MAP3K5: variants seen among roughly 807,000 people sequenced by gnomAD.
MAP3K5 encodes ASK-1.
A neutral mutation model predicts 158.7 loss-of-function variants in MAP3K5; 56 were observed. That is an observed-to-expected ratio of 0.35 (90% CI 0.28 to 0.44). The LOEUF is 0.44. Among genes scored for constraint, MAP3K5 ranks in the 20% least tolerant of loss-of-function variants. MAP3K5 has a pLI of 1.00. For synonymous variants in MAP3K5, 579 were observed against 601.7 expected, an observed-to-expected ratio of 0.96 and a Z score of 0.55; for missense variants, 1,294 against 1,674.8, an observed-to-expected ratio of 0.77 and a Z score of 3.97.
At chr6:136,624,103 A>G (rs1292889642) in intron 14 of MAP3K5, among the ~76,000 whole-genome samples, 1 of 152,144 alleles carries the variant, frequency 6.6e-6, no homozygotes, top group East Asian at 1.9e-4. Context: ...CTGAGGCAGG[A>G]GAATTGGTTG....
In MAP3K5 at chr6:136,645,933, C is replaced by T. The variant is rs531701595; in HGVS notation, c.1789-3364G>A. Reference sequence around the variant, plus strand: ...TTAAACATTCTGTGATAAAAACAACCCATTTTTAGTTTAACATAAGACCTA... The same window carrying T: ...TTAAACATTCTGTGATAAAAACAACTCATTTTTAGTTTAACATAAGACCTA... On this transcript the variant is annotated intron_variant, in intron 11 of 29. Coordinates refer to ENST00000359015, the MANE Select transcript of MAP3K5 (RefSeq NM_005923.4). Among the ~76,000 whole-genome samples, 10 of 152,090 alleles carry T rather than the reference C, an allele frequency of 6.6e-5. No individual in the cohort carries two copies. In the South Asian group the frequency reaches 2.1e-3, roughly 32 times the overall value.
chr6:136,588,928 A>G (rs1440017064), intron 23 of MAP3K5, among the ~76,000 whole-genome samples: 1 of 152,174 alleles, frequency 6.6e-6, no homozygotes, highest in African/African-American at 2.4e-5. Context: ...TTAGGACCCA[A>G]GTCAAGGTTT....
chr6:136,674,318 T>C, intron 7 of MAP3K5, among the ~76,000 whole-genome samples: 1 of 152,118 alleles, frequency 6.6e-6, no homozygotes, highest in East Asian at 1.9e-4. Flanking sequence ...ATAAAAATTA[T>C]TTAAAATCTA....
intron 19 of MAP3K5, 57 bp from the exon 20 acceptor site, chr6:136,602,036 G>C (rs1775900796): frequency 8.5e-6 from 12 of 1,419,450 alleles, no homozygotes; most frequent in African/African-American, 1.4e-5. Context: ...CTCAGCACCT[G>C]AACTCCAGCT....
At chr6:136,787,920 G>A (rs1318377490) in intron 1 of MAP3K5, among the ~76,000 whole-genome samples, 1 of 152,238 alleles carries the variant, frequency 6.6e-6, no homozygotes, top group East Asian at 1.9e-4. Flanking sequence ...CTGTTTTTGA[G>A]TATGGCTTGC....
In MAP3K5 at chr6:136,622,135, G is replaced by A. The variant is rs963222456; in HGVS notation, c.2150+713C>T. Among the ~76,000 whole-genome samples the A allele has an allele frequency of 1.7e-4, 25 of 151,382 alleles. 1 individual carries two copies. The South Asian group carries it at 2.7e-3, about 17-fold the overall frequency. On this transcript the variant is annotated intron_variant, in intron 15 of 29. Coordinates refer to ENST00000359015, the MANE Select transcript of MAP3K5 (RefSeq NM_005923.4). ...GACTTTTCCTTTCTTGCTGCCAGAA[G>A]CACAATGGGATTTCTCTTATTTCAA...
At chr6:136,646,308 T>C (rs1431561634) in intron 11 of MAP3K5, among the ~76,000 whole-genome samples, 2 of 152,196 alleles carry the variant, frequency 1.3e-5, no homozygotes, top group African/African-American at 4.8e-5. Flanking sequence ...TGTAACCCTA[T>C]TTAATGCACT....
At chr6:136,582,188 C>T (rs1376350453) in intron 24 of MAP3K5, among the ~76,000 whole-genome samples, 1 of 152,092 alleles carries the variant, frequency 6.6e-6, no homozygotes, top group African/African-American at 2.4e-5. Context: ...TCATAGGGCC[C>T]ATACTTTGGG....
intron 1 of MAP3K5, among the ~76,000 whole-genome samples, chr6:136,757,575 A>ATTTTTTTT (rs1266911449): frequency 2.9e-4 from 32 of 111,308 alleles, no homozygotes; most frequent in African/African-American, 9.5e-4. Flanking sequence ...AGATTTATTT[A>ATTTTTTTT]TTTATTTTTT....
At chr6:136,746,779 C>T (rs939735384) in intron 1 of MAP3K5, among the ~76,000 whole-genome samples, 6 of 152,166 alleles carry the variant, frequency 3.9e-5, no homozygotes, top group Non-Finnish European at 8.8e-5. Context: ...TCTTCAGTAC[C>T]TCTGGTGGCC....
At chr6:136,764,494 T>C (rs1420223870) in intron 1 of MAP3K5, among the ~76,000 whole-genome samples, 2 of 152,206 alleles carry the variant, frequency 1.3e-5, no homozygotes, top group Admixed American at 1.3e-4. Flanking sequence ...GTCATGGGAA[T>C]GAACCTTATT....
intron 3 of MAP3K5, among the ~76,000 whole-genome samples, chr6:136,700,780 A>C (rs1315411637): frequency 6.6e-6 from 1 of 152,216 alleles, no homozygotes; most frequent in Admixed American, 6.5e-5. Flanking sequence ...TGGTAGAATC[A>C]AAAGAAGTGG....
At chr6:136,773,015 CTAAGT>C (rs1784271797) in intron 1 of MAP3K5, among the ~76,000 whole-genome samples, 1 of 152,130 alleles carries the variant, frequency 6.6e-6, no homozygotes, top group South Asian at 2.1e-4. Context: ...TCAAATTTCT[CTAAGT>C]TAAGAGATTC....
At chr6:136,610,159 T>C (rs1776268952) in intron 18 of MAP3K5, among the ~76,000 whole-genome samples, 1 of 152,020 alleles carries the variant, frequency 6.6e-6, no homozygotes, top group Admixed American at 6.6e-5. Context: ...TCCTGCTAAA[T>C]TTCTCTCTAT....
intron 13 of MAP3K5, among the ~76,000 whole-genome samples, chr6:136,638,372 C>T (rs1373702336): frequency 6.6e-5 from 10 of 152,156 alleles, no homozygotes; most frequent in Admixed American, 2.6e-4. Context: ...TAGAAGCTTC[C>T]ATTCTGAAGT....
chr6:136,781,840 G>T (rs375580879), intron 1 of MAP3K5, among the ~76,000 whole-genome samples: 3 of 152,180 alleles, frequency 2.0e-5, no homozygotes, highest in African/African-American at 7.2e-5. Flanking sequence ...AGCAGAAATA[G>T]CACTTCTGTC....
chr6:136,580,339 C>T lies in MAP3K5; in HGVS notation c.3479G>A (p.Arg1160Gln), dbSNP rs1774813518. The T allele has an allele frequency of 1.9e-6, 3 of 1,613,510 alleles. No homozygotes were observed. The highest frequency in any genetic ancestry group is 2.2e-5 in the South Asian group (2 of 91,054). Reference sequence around the variant, plus strand: ...GGTAATGGCTGTCTGTACCGCCTTCCGAATGATACTGTCTAAGGCAAACAT... The same window carrying T: ...GGTAATGGCTGTCTGTACCGCCTTCTGAATGATACTGTCTAAGGCAAACAT... ...HWMFALDSII[R>Q]KAVQTAITIL... Residue 1160 changes from arginine (R) to glutamine (Q), a missense_variant, in exon 25 of 30, where the codon CGG becomes CAG. This residue lies in a region of MAP3K5 where 362 missense variants were observed against 463.2 expected (regional missense o/e 0.78). Coordinates refer to ENST00000359015, the MANE Select transcript of MAP3K5 (RefSeq NM_005923.4).
chr6:136,585,514 T>TTTAC (rs1457913627), intron 23 of MAP3K5, among the ~76,000 whole-genome samples: 3 of 146,092 alleles, frequency 2.1e-5, no homozygotes, highest in Non-Finnish European at 4.5e-5. Flanking sequence ...TATTTATTTA[T>TTTAC]TTTTTGACAA....
Position 136,557,692 on chromosome 6 carries a change from A to G in MAP3K5, c.*66T>C. On this transcript the variant is annotated 3_prime_UTR_variant, in exon 30 of 30. Transcript: ENST00000359015. ...TTTCTCCTCTCCCTTCGATTTTCCC[A>G]CCCCCAAGAAGATCAGCTCTGTATT... is the stretch of plus-strand genomic sequence containing the variant. 5.2e-6 allele frequency: 6 copies of G among 1,160,334 alleles called. No individual in the cohort carries two copies. The highest frequency in any genetic ancestry group is 1.7e-5 in the Admixed American group (1 of 58,442). The allele number at this position is 1,160,334 out of a possible 1,614,324, so 71.9% of individuals were successfully genotyped here.
Sources: allele counts gnomAD v4.1 joint callset (sites outside exome capture counted in the v4.1 genomes callset), GRCh38; gene constraint gnomAD v4.1.1; regional missense constraint gnomAD v4.1.1; transcripts MANE v1.5; gene names NCBI Gene and HGNC (gene_info 2026-07-23, HGNC 2026-07-21).